RAB31: variants seen among roughly 807,000 people sequenced by gnomAD.
The protein encoded by RAB31 is ras-related protein Rab-31.
In RAB31, 21 loss-of-function variants were observed where a neutral mutation model predicts 25.6. That is an observed-to-expected ratio of 0.82 (90% CI 0.58 to 1.18). RAB31 has a LOEUF of 1.18. Among genes scored for constraint, RAB31 ranks in the 50% most tolerant of loss-of-function variants. RAB31 has a pLI of 0.00. For missense variants in RAB31, 196 were observed against 250.1 expected (o/e 0.78, Z 1.46); for synonymous variants, 87 against 84.0 (o/e 1.04, Z -0.20).
In RAB31 at chr18:9,862,069, TG is replaced by T. The variant is rs1401747755; in HGVS notation, c.*2746del. On this transcript the variant is annotated 3_prime_UTR_variant, in exon 7 of 7. Coordinates refer to ENST00000578921, the MANE Select transcript of RAB31 (RefSeq NM_006868.4). ...GCTAACAATAAGGGCTGTGCCCCAA[TG>T]GAAACTGAGTTCATTTTCTGAGAAA... The T allele has an allele frequency of 6.5e-6, 1 of 152,690 alleles. No individual in the cohort carries two copies. The highest frequency in any genetic ancestry group is 2.4e-5 in the African/African-American group (1 of 41,468). 9.5% of individuals were successfully genotyped at this position (152,690 alleles called of 1,614,324 possible).
chr18:9,849,996 A>G (rs2068781008), intron 6 of RAB31, among the ~76,000 whole-genome samples: 2 of 152,226 alleles, frequency 1.3e-5, no homozygotes, highest in Admixed American at 1.3e-4. Flanking sequence ...AAAGGAGGAA[A>G]GTCTCCGCAT....
chr18:9,830,427 A>G (rs1053388450), intron 5 of RAB31: 5 of 152,054 alleles, frequency 3.3e-5, no homozygotes, highest in African/African-American at 9.7e-5. Context: ...CACCTTCTCT[A>G]TTTCCTACCT....
At chr18:9,742,507 A>G (rs2068185019) in intron 1 of RAB31, among the ~76,000 whole-genome samples, 1 of 152,142 alleles carries the variant, frequency 6.6e-6, no homozygotes, top group South Asian at 2.1e-4. Context: ...CACGCTAGGG[A>G]CGTTCTACGT....
intron 2 of RAB31, among the ~76,000 whole-genome samples, chr18:9,783,955 G>A (rs1009463802): frequency 2.3e-4 from 35 of 152,326 alleles, no homozygotes; most frequent in Admixed American, 6.5e-4. Flanking sequence ...GGACATGTAG[G>A]TTGGTACCAA....
chr18:9,770,311 A>T (rs748008585), intron 1 of RAB31, among the ~76,000 whole-genome samples: 14 of 152,104 alleles, frequency 9.2e-5, no homozygotes, highest in Non-Finnish European at 1.9e-4. Flanking sequence ...ATCTGGAGGG[A>T]TAGGAAGCTT....
At chr18:9,761,952 G>T (rs1212701614) in intron 1 of RAB31, among the ~76,000 whole-genome samples, 1 of 152,212 alleles carries the variant, frequency 6.6e-6, no homozygotes, top group East Asian at 1.9e-4. Context: ...GATTACAGGT[G>T]CACACCACCA....
At chr18:9,713,431 A>G (rs966290769) in intron 1 of RAB31, among the ~76,000 whole-genome samples, 2 of 152,156 alleles carry the variant, frequency 1.3e-5, no homozygotes, top group Non-Finnish European at 2.9e-5. Flanking sequence ...GGTACGTTCT[A>G]TGTTACACGA....
intron 5 of RAB31, among the ~76,000 whole-genome samples, chr18:9,822,651 A>G (rs556756679): frequency 1.3e-5 from 2 of 152,344 alleles, no homozygotes; most frequent in Non-Finnish European, 2.9e-5. Flanking sequence ...AAAGACATAA[A>G]CAGACATTTC....
In RAB31 at chr18:9,725,768, G is replaced by A. The variant is rs146991700; in HGVS notation, c.39+17324G>A. Among the ~76,000 whole-genome samples the A allele has an allele frequency of 4.1e-3, 626 of 152,288 alleles. 3 individuals are homozygous for A. Among genetic ancestry groups the A allele is most frequent in the Non-Finnish European group, 6.3e-3 (432 of 68,034 alleles). On this transcript the variant is annotated intron_variant, in intron 1 of 6. Transcript: ENST00000578921. ...AAATTCCCACAATGTTAGGGTCCTG[G>A]TCAGGTTCTTTGGAGTTACAGGTAA...
chr18:9,718,020 G>A (rs1329059128), intron 1 of RAB31, among the ~76,000 whole-genome samples: 4 of 150,716 alleles, frequency 2.7e-5, no homozygotes, highest in Admixed American at 6.6e-5. Flanking sequence ...TCAGCCTCCC[G>A]AGTAGCTGGG....
chr18:9,851,292 A>G (rs2068788231), intron 6 of RAB31, among the ~76,000 whole-genome samples: 1 of 152,226 alleles, frequency 6.6e-6, no homozygotes, highest in African/African-American at 2.4e-5. Flanking sequence ...ATTTCGGCAT[A>G]TGGGCAAGTT....
At chr18:9,710,639 G>A (rs1183264029) in intron 1 of RAB31, among the ~76,000 whole-genome samples, 3 of 152,112 alleles carry the variant, frequency 2.0e-5, no homozygotes, top group Non-Finnish European at 4.4e-5. Flanking sequence ...GATCATTTGA[G>A]GTCAGGAGTT....
At chr18:9,777,009 C>T (rs769593516) in intron 2 of RAB31, among the ~76,000 whole-genome samples, 1 of 152,030 alleles carries the variant, frequency 6.6e-6, no homozygotes, top group Non-Finnish European at 1.5e-5. Flanking sequence ...TTGGGATGCT[C>T]AACTGGGTAA....
chr18:9,736,679 T>A (rs1272933245), intron 1 of RAB31, among the ~76,000 whole-genome samples: 2 of 152,216 alleles, frequency 1.3e-5, no homozygotes, highest in Non-Finnish European at 2.9e-5. Context: ...ATTCAGCAAA[T>A]GTTTATTAAT....
intron 1 of RAB31, among the ~76,000 whole-genome samples, chr18:9,749,271 T>C (rs2068221812): frequency 6.6e-6 from 1 of 152,208 alleles, no homozygotes; most frequent in African/African-American, 2.4e-5. Context: ...TGTGGACACA[T>C]TGTCGTCATT....
intron 1 of RAB31, among the ~76,000 whole-genome samples, chr18:9,732,225 C>T (rs117645521): frequency 0.04 from 6,119 of 152,228 alleles, 180 homozygotes; most frequent in Middle Eastern, 0.061. Flanking sequence ...TCCAGGGGGA[C>T]GTGGAGTCAC....
At chr18:9,840,567 G>A (rs1439836580) in intron 5 of RAB31, among the ~76,000 whole-genome samples, 1 of 152,094 alleles carries the variant, frequency 6.6e-6, no homozygotes, top group Non-Finnish European at 1.5e-5. Flanking sequence ...TCTCACCTTC[G>A]CAAAACTCTC....
rs2068000686 is a variant in RAB31 at position 9,708,851 on chromosome 18, G to A, written c.39+407G>A. 6.6e-6 allele frequency among the ~76,000 whole-genome samples: 1 copy of A among 152,224 alleles called. No homozygotes were observed. On this transcript the variant is annotated intron_variant, in intron 1 of 6. Coordinates refer to ENST00000578921, the MANE Select transcript of RAB31 (RefSeq NM_006868.4). This position sits in a 1 kb window ranked among gnomAD's most constrained non-coding sequence, Gnocchi z 6.4. ...GGACGGGGCAGTGGCGGCGAGTCTG[G>A]GGCCCCGAGGGCTTTCTCCTCCGCT... is the stretch of plus-strand genomic sequence containing the variant.
intron 1 of RAB31, among the ~76,000 whole-genome samples, chr18:9,770,656 G>A (rs1369430654): frequency 1.3e-5 from 2 of 152,116 alleles, no homozygotes; most frequent in Non-Finnish European, 2.9e-5. Context: ...GGGTTTTACT[G>A]TACTTTATTT....
Sources: gnomAD v4.1 joint callset for allele counts (sites outside exome capture counted in the v4.1 genomes callset) on GRCh38, gnomAD v4.1.1 for gene constraint, Gnocchi (gnomAD v3.1) non-coding constraint, MANE v1.5 for transcripts, NCBI Gene and HGNC (gene_info 2026-07-23, HGNC 2026-07-21) for gene names.